SMOC1: variants seen among roughly 807,000 people sequenced by gnomAD.
SMOC1 encodes the protein SPARC-related modular calcium-binding protein 1.
Under a neutral mutation model 56.3 loss-of-function variants are expected in SMOC1, and 22 were observed. That is an observed-to-expected ratio of 0.39 (90% CI 0.28 to 0.56). The LOEUF is 0.56. Ranked by LOEUF, SMOC1 falls within the 20% of genes least tolerant of loss-of-function variation. SMOC1 has a pLI of 0.61. For synonymous variants in SMOC1, 193 were observed against 215.0 expected, an observed-to-expected ratio of 0.90 and a Z score of 0.89; for missense variants, 509 against 565.4, an observed-to-expected ratio of 0.90 and a Z score of 1.01.
chr14:70,028,148 CT>C (rs1334432636), intron 11 of SMOC1, among the ~76,000 whole-genome samples: 2 of 152,194 alleles, frequency 1.3e-5, no homozygotes, highest in African/African-American at 4.8e-5. Flanking sequence ...AACCAGACTC[CT>C]CCCTGGAGAG....
chr14:69,928,906 CTT>C (rs1247182662), intron 1 of SMOC1, among the ~76,000 whole-genome samples: 1 of 152,174 alleles, frequency 6.6e-6, no homozygotes, highest in Non-Finnish European at 1.5e-5. Context: ...GCCCCCAACT[CTT>C]AGGTGGTGTT....
chr14:70,023,180 G>A (rs780578435), intron 10 of SMOC1, 23 bp from the exon 11 acceptor site: 2 of 1,613,970 alleles, frequency 1.2e-6, no homozygotes, highest in Admixed American at 1.7e-5. Context: ...TCTCTGCGGT[G>A]GGGGTGTTTG....
At position 70,030,202 on chromosome 14, in the gene SMOC1, C is replaced by CTT. The variant is rs34504720; in HGVS notation, c.1292-24_1292-23dup. The CTT allele has an allele frequency of 4.2e-3, 6,399 of 1,511,140 alleles. 44 individuals are homozygous for CTT. The highest frequency in any genetic ancestry group is 0.026 in the African/African-American group (1,682 of 65,488). 93.6% of individuals were successfully genotyped at this position (1,511,140 alleles called of 1,614,324 possible). A position where few individuals can be genotyped will look rare whatever the true frequency, so the allele number is the denominator to read the frequency against. On this transcript the variant is annotated intron_variant, in intron 11 of 11. Coordinates refer to ENST00000361956, the MANE Select transcript of SMOC1 (RefSeq NM_001034852.3). ...CTTCTTGCTTATATCTGCCCCCGAC[C>CTT]TTTTTTTTTTTTTTTTTGCATTCTC...
chr14:69,979,229 G>T (rs186697275), intron 5 of SMOC1, among the ~76,000 whole-genome samples: 41 of 152,216 alleles, frequency 2.7e-4, no homozygotes, highest in Middle Eastern at 6.8e-3. Context: ...AAGAAGAGGC[G>T]AAGTCACCCA....
chr14:69,974,177 G>C (rs1345574330), intron 3 of SMOC1, among the ~76,000 whole-genome samples: 1 of 152,132 alleles, frequency 6.6e-6, no homozygotes, highest in Non-Finnish European at 1.5e-5. Flanking sequence ...CTGAGGTCAC[G>C]ATCTTGAGAG....
intron 9 of SMOC1, among the ~76,000 whole-genome samples, chr14:70,012,492 T>C (rs1012861931): frequency 6.6e-6 from 1 of 152,250 alleles, no homozygotes; most frequent in Non-Finnish European, 1.5e-5. Flanking sequence ...CGGAACATGC[T>C]GTGAGAATGG....
chr14:70,030,103 A>G, intron 11 of SMOC1, 139 bp from the exon 12 acceptor site: 1 of 1,273,112 alleles, frequency 7.9e-7, no homozygotes, highest in Non-Finnish European at 1.1e-6. Context: ...CTCATAGAGG[A>G]CAGCAGGTGG....
intron 1 of SMOC1, among the ~76,000 whole-genome samples, chr14:69,912,140 A>G (rs1884570282): frequency 6.6e-6 from 1 of 152,222 alleles, no homozygotes; most frequent in Admixed American, 6.5e-5. Context: ...AAATGAAGTC[A>G]TGTGTATAGT....
Position 69,941,521 on chromosome 14 carries a change from G to T in SMOC1, c.100-10617G>T, listed in dbSNP as rs146990969. Among the ~76,000 whole-genome samples, 566 of 152,282 alleles carry T rather than the reference G, an allele frequency of 3.7e-3. 4 individuals carry two copies. The highest frequency in any genetic ancestry group is 0.013 in the African/African-American group (534 of 41,538). ...CCCCTTCTTTTCCATCCCCACTGCT[G>T]CCTTATTCAAGCTTAGTAACCTCCT... is the stretch of plus-strand genomic sequence containing the variant. On this transcript the variant is annotated intron_variant, in intron 1 of 11. Coordinates refer to ENST00000361956, the MANE Select transcript of SMOC1 (RefSeq NM_001034852.3).
chr14:69,985,613 T>C (rs371048627), intron 5 of SMOC1, among the ~76,000 whole-genome samples: 314 of 152,248 alleles, frequency 2.1e-3, no homozygotes, highest in African/African-American at 7.2e-3. Context: ...AATTTGTAAG[T>C]TTTAAGTTGT....
chr14:69,922,523 G>A (rs1884874126), intron 1 of SMOC1, among the ~76,000 whole-genome samples: 1 of 152,154 alleles, frequency 6.6e-6, no homozygotes, highest in African/African-American at 2.4e-5. Flanking sequence ...TGTCCTCTTT[G>A]CCTTGGGTGC....
At chr14:70,014,292 G>A (rs1376179141) in intron 10 of SMOC1, among the ~76,000 whole-genome samples, 1 of 152,220 alleles carries the variant, frequency 6.6e-6, no homozygotes, top group African/African-American at 2.4e-5. Flanking sequence ...AGAGGTGGAA[G>A]AATGGAGAAT....
At chr14:69,903,379 C>A (rs188421630) in intron 1 of SMOC1, among the ~76,000 whole-genome samples, 1 of 151,946 alleles carries the variant, frequency 6.6e-6, no homozygotes, top group Non-Finnish European at 1.5e-5. Context: ...CCCCTCGGCC[C>A]GGCCGCCACC....
chr14:69,998,376 G>A (rs960176452), intron 7 of SMOC1, among the ~76,000 whole-genome samples: 4 of 151,754 alleles, frequency 2.6e-5, no homozygotes, highest in African/African-American at 9.7e-5. Context: ...ATAGATGAGT[G>A]TTGGATGGAG....
intron 1 of SMOC1, among the ~76,000 whole-genome samples, chr14:69,909,171 C>T (rs1019297953): frequency 6.6e-6 from 1 of 152,148 alleles, no homozygotes; most frequent in African/African-American, 2.4e-5. Flanking sequence ...GGGCTCAGCA[C>T]TTTATCAAGT....
intron 1 of SMOC1, among the ~76,000 whole-genome samples, chr14:69,884,120 A>T (rs1199291536): frequency 6.6e-6 from 1 of 151,524 alleles, no homozygotes; most frequent in African/African-American, 2.4e-5. Context: ...GTTAGCCAGG[A>T]TGGTCTCGAT....
intron 1 of SMOC1, among the ~76,000 whole-genome samples, chr14:69,951,466 G>C (rs1485194003): frequency 1.3e-5 from 2 of 152,148 alleles, no homozygotes; most frequent in East Asian, 3.9e-4. Flanking sequence ...GCTTAACTCA[G>C]CATTTTCCAA....
In SMOC1 at chr14:69,943,781, C is replaced by G. The variant is rs12589490; in HGVS notation, c.100-8357C>G. Reference sequence around the variant, plus strand: ...ATTTACAAACAAGACAGAAAAACATCCCCTCTCTTGGGAGAGCTCTTTTTG... The same window carrying G: ...ATTTACAAACAAGACAGAAAAACATGCCCTCTCTTGGGAGAGCTCTTTTTG... On this transcript the variant is annotated intron_variant, in intron 1 of 11. Coordinates refer to ENST00000361956, the MANE Select transcript of SMOC1 (RefSeq NM_001034852.3). Among the ~76,000 whole-genome samples the G allele has an allele frequency of 2.7e-3, 416 of 152,324 alleles. 13 individuals carry two copies. In the East Asian group the frequency reaches 0.068, roughly 25 times the overall value.
Position 70,030,202 on chromosome 14 carries a change from C to CTTT in SMOC1, c.1292-25_1292-23dup, listed in dbSNP as rs34504720. 669 of 1,514,604 alleles carry CTTT rather than the reference C, an allele frequency of 4.4e-4. 6 individuals carry two copies. The African/African-American group carries it at 5.9e-3, about 13-fold the overall frequency. The allele number at this position is 1,514,604 out of a possible 1,614,324, so 93.8% of individuals were successfully genotyped here. On this transcript the variant is annotated intron_variant, in intron 11 of 11. Transcript: ENST00000361956. ...CTTCTTGCTTATATCTGCCCCCGAC[C>CTTT]TTTTTTTTTTTTTTTTTGCATTCTC...
Sources: allele counts gnomAD v4.1 joint callset (sites outside exome capture counted in the v4.1 genomes callset), GRCh38; gene constraint gnomAD v4.1.1; transcripts MANE v1.5; gene names NCBI Gene and HGNC (gene_info 2026-07-23, HGNC 2026-07-21).